Variants in CFAP61 observed in about 807,000 individuals in gnomAD.
CFAP61 encodes cilia and flagella associated protein 61.
Under a neutral mutation model 135.6 loss-of-function variants are expected in CFAP61, and 107 were observed. The observed-to-expected ratio is 0.79, with a 90% CI of 0.67 to 0.93. The LOEUF is 0.93. Ranked by LOEUF, CFAP61 falls within the 40% of genes least tolerant of loss-of-function variation. CFAP61 has a pLI of 0.00. For missense variants in CFAP61, 1,507 were observed against 1,556.2 expected (o/e 0.97, Z 0.53); for synonymous variants, 575 against 578.5 (o/e 0.99, Z 0.09).
In CFAP61 at chr20:20,287,991, A is replaced by G. The variant is rs573240085; in HGVS notation, c.2797-618A>G. On this transcript the variant is annotated intron_variant, in intron 22 of 26. Coordinates refer to ENST00000245957, the MANE Select transcript of CFAP61 (RefSeq NM_015585.4). ...GGCACCCTCACACAGTGCCTGGCAT[A>G]TGGTAGGTATGCCATCAGTATTTCT... Among the ~76,000 whole-genome samples the G allele has an allele frequency of 5.3e-5, 8 of 152,266 alleles. No homozygotes were observed. The South Asian group carries it at 1.2e-3, about 24-fold the overall frequency.
At position 20,246,181 on chromosome 20, in the gene CFAP61, C is replaced by T. The variant is rs1162234454; in HGVS notation, c.2125C>T (p.Leu709=). 2 of 1,613,690 alleles carry T rather than the reference C, an allele frequency of 1.2e-6. No individual in the cohort carries two copies. Residue 709 remains leucine, a synonymous_variant, in exon 19 of 27, where the codon CTG becomes TTG. Transcript: ENST00000245957. ...STHGLPGKKL[L]DTEQRKFLAS... is the part of the protein sequence containing the mutation. ...TCATGGACTCCCAGGAAAAAAACTTCTGGACACTGAACAAAGGAAATTTTT... is the reference window on the plus strand; with the variant it reads ...TCATGGACTCCCAGGAAAAAAACTTTTGGACACTGAACAAAGGAAATTTTT...
intron 25 of CFAP61, among the ~76,000 whole-genome samples, chr20:20,337,533 G>GAATAAAAAGAA (rs1569310993): frequency 2.1e-5 from 3 of 145,838 alleles, no homozygotes; most frequent in South Asian, 2.2e-4. Flanking sequence ...TGGATGGATA[G>GAATAAAAAGAA]ATGGGTGGGT....
chr20:20,246,166 C>G lies in CFAP61; in HGVS notation c.2110C>G (p.Pro704Ala). The G allele has an allele frequency of 1.9e-6, 3 of 1,613,606 alleles. No individual in the cohort carries two copies. The highest frequency in any genetic ancestry group is 2.5e-6 in the Non-Finnish European group (3 of 1,179,666). The stretch of plus-strand genomic sequence containing the variant: ...TACCCTGATTTCAACTCATGGACTC[C>G]CAGGAAAAAAACTTCTGGACACTGA... ...NLTLISTHGL[P>A]GKKLLDTEQR... Residue 704 changes from proline (P) to alanine (A), a missense_variant, in exon 19 of 27, where the codon CCA becomes GCA. Pro to Ala is a conservative substitution (Grantham distance 27). Transcript: ENST00000245957.
intron 6 of CFAP61, among the ~76,000 whole-genome samples, chr20:20,080,356 G>A (rs1023205779): frequency 2.0e-5 from 3 of 151,912 alleles, no homozygotes; most frequent in Non-Finnish European, 2.9e-5. Flanking sequence ...GATGGTGCCT[G>A]GTCCATGATG....
rs372537597 is a variant in CFAP61 at position 20,360,182 on chromosome 20, G to T, written c.3514-28G>T. The T allele has an allele frequency of 4.5e-6, 7 of 1,561,584 alleles. No individual in the cohort carries two copies. In the African/African-American group the frequency reaches 9.5e-5, roughly 21 times the overall value. ...ACTGTGCAGGGTCCAATTAATTTCT[G>T]TATCTGGCCTCTTACTGTGTTTTAC... On this transcript the variant is annotated intron_variant, in intron 26 of 26. Coordinates refer to ENST00000245957, the MANE Select transcript of CFAP61 (RefSeq NM_015585.4).
chr20:20,137,174 G>A (rs1200891078), intron 8 of CFAP61, among the ~76,000 whole-genome samples: 4 of 152,182 alleles, frequency 2.6e-5, no homozygotes, highest in Non-Finnish European at 4.4e-5. Flanking sequence ...CACCCTTGTG[G>A]CCACCACCAC....
chr20:20,331,191 C>T (rs1454679437), intron 25 of CFAP61, among the ~76,000 whole-genome samples: 1 of 152,138 alleles, frequency 6.6e-6, no homozygotes, highest in African/African-American at 2.4e-5. Flanking sequence ...TGTCCCTTCT[C>T]CTCCGTTTAT....
At chr20:20,356,696 G>A (rs1245230403) in intron 26 of CFAP61, among the ~76,000 whole-genome samples, 1 of 17,078 alleles carries the variant, frequency 5.9e-5, no homozygotes. Flanking sequence ...TGTGAGGGGA[G>A]GTGGTCACAC....
At chr20:20,110,316 G>T (rs1600704290) in intron 8 of CFAP61, among the ~76,000 whole-genome samples, 1 of 151,894 alleles carries the variant, frequency 6.6e-6, no homozygotes, top group East Asian at 1.9e-4. Context: ...TGTATAAACT[G>T]GTTTGGTGGT....
At chr20:20,223,333 T>C (rs2048525561) in intron 17 of CFAP61, among the ~76,000 whole-genome samples, 1 of 152,176 alleles carries the variant, frequency 6.6e-6, no homozygotes, top group Non-Finnish European at 1.5e-5. Context: ...GCTCAGAATT[T>C]CAACCAGTGG....
chr20:20,209,319 T>C lies in CFAP61; in HGVS notation c.1932+9417T>C, dbSNP rs114087880. Among the ~76,000 whole-genome samples, 509 of 152,342 alleles carry C rather than the reference T, an allele frequency of 3.3e-3. 3 individuals are homozygous for C. The highest frequency in any genetic ancestry group is 0.011 in the African/African-American group (460 of 41,580). ...CCCTTATTATTTTTCAGCACATTTG[T>C]TTTGATTTCCTTTGAACAAATTCCT... On this transcript the variant is annotated intron_variant, in intron 17 of 26. Transcript: ENST00000245957.
intron 8 of CFAP61, among the ~76,000 whole-genome samples, chr20:20,099,322 T>C (rs6136940): frequency 0.76 from 115,146 of 152,138 alleles, 43,913 homozygotes; most frequent in East Asian, 0.99. Flanking sequence ...TTACTTCTAG[T>C]TATATGAAAT....
intron 8 of CFAP61, among the ~76,000 whole-genome samples, chr20:20,134,214 C>A (rs1414069876): frequency 1.3e-5 from 2 of 152,180 alleles, no homozygotes; most frequent in Non-Finnish European, 2.9e-5. Context: ...ACTTCATAGA[C>A]CTCAAAGCTT....
chr20:20,094,256 A>C (rs2047405333), intron 7 of CFAP61: 1 of 152,204 alleles, frequency 6.6e-6, no homozygotes, highest in African/African-American at 2.4e-5. Context: ...ATTCTTGTTT[A>C]GCCATTAGCC....
intron 25 of CFAP61, among the ~76,000 whole-genome samples, chr20:20,300,188 A>G (rs1328632786): frequency 3.9e-5 from 6 of 152,248 alleles, no homozygotes; most frequent in Admixed American, 3.9e-4. Flanking sequence ...TGTCCAGTGC[A>G]GAACACTTGC....
At position 20,151,829 on chromosome 20, in the gene CFAP61, C is replaced by CA. The variant is rs386393498; in HGVS notation, c.952-7522dup. On this transcript the variant is annotated intron_variant, in intron 9 of 26. Coordinates refer to ENST00000245957, the MANE Select transcript of CFAP61 (RefSeq NM_015585.4). ...TGGGCGACAGAGCAAGACTCCGTCTCAAAAAAAAAAAAAAAAAAAGAAGCT... is the reference window on the plus strand; with the variant it reads ...TGGGCGACAGAGCAAGACTCCGTCTCAAAAAAAAAAAAAAAAAAAAGAAGCT... Among the ~76,000 whole-genome samples, 93 of 53,354 alleles carry CA rather than the reference C, an allele frequency of 1.7e-3. 4 individuals are homozygous for CA. The East Asian group carries it at 0.022, about 13-fold the overall frequency. The allele number at this position is 53,354 out of a possible 152,430, so 35.0% of individuals were successfully genotyped here.
chr20:20,200,463 T>C (rs777517824), intron 17 of CFAP61, among the ~76,000 whole-genome samples: 6 of 152,226 alleles, frequency 3.9e-5, no homozygotes, highest in Non-Finnish European at 7.3e-5. Context: ...GGGCCACTTT[T>C]ATTGGGAGAA....
chr20:20,323,118 CT>C (rs1417774383), intron 25 of CFAP61: 1 of 985,472 alleles, frequency 1.0e-6, no homozygotes, highest in East Asian at 1.1e-4. Flanking sequence ...TGCCACTCGA[CT>C]TCAACTTCTT....
At position 20,140,778 on chromosome 20, in the gene CFAP61, G is replaced by A. The variant is rs528601931; in HGVS notation, c.860-2079G>A. The stretch of plus-strand genomic sequence containing the variant: ...CACATGCACACGTATGCTTATTGCG[G>A]CACTATTCACAATAGCAAAGACTTG... On this transcript the variant is annotated intron_variant, in intron 8 of 26. Coordinates refer to ENST00000245957, the MANE Select transcript of CFAP61 (RefSeq NM_015585.4). Among the ~76,000 whole-genome samples the A allele has an allele frequency of 4.9e-3, 748 of 152,058 alleles. 5 individuals are homozygous for A. The highest frequency in any genetic ancestry group is 0.017 in the African/African-American group (714 of 41,474).
Sources: allele counts gnomAD v4.1 joint callset (sites outside exome capture counted in the v4.1 genomes callset), GRCh38; gene constraint gnomAD v4.1.1; transcripts MANE v1.5; gene names NCBI Gene and HGNC (gene_info 2026-07-23, HGNC 2026-07-21).